Variants in PREX1 observed in about 807,000 individuals in gnomAD.
The protein encoded by PREX1 is phosphatidylinositol-3,4,5-trisphosphate dependent Rac exchange factor 1, also known as phosphatidylinositol 3,4,5-trisphosphate-dependent Rac exchanger 1 protein.
Under a neutral mutation model 198.3 loss-of-function variants are expected in PREX1, and 41 were observed. The ratio of observed to expected loss-of-function variants is 0.21; its 90% CI spans 0.16 to 0.27. The LOEUF is 0.27. PREX1 is among the 10% of genes least tolerant of loss of function. PREX1 has a pLI of 1.00. For missense variants in PREX1, 1,620 were observed against 2,200.7 expected, an observed-to-expected ratio of 0.74 and a Z score of 5.28; for synonymous variants, 843 against 887.2, an observed-to-expected ratio of 0.95 and a Z score of 0.89.
chr20:48,804,044 G>A (rs1354703694), intron 1 of PREX1, among the ~76,000 whole-genome samples: 2 of 152,204 alleles, frequency 1.3e-5, no homozygotes, highest in Non-Finnish European at 2.9e-5. Context: ...CCCTGGACTG[G>A]AGCCCTTGAG....
At chr20:48,658,040 G>T in intron 17 of PREX1, 96 bp downstream of exon 17, 1 of 1,214,116 alleles carries the variant, frequency 8.2e-7, no homozygotes, top group Non-Finnish European at 1.2e-6. Flanking sequence ...GATCATTCCA[G>T]AATCTCCTGG....
chr20:48,699,365 G>C (rs1020193080), intron 7 of PREX1, among the ~76,000 whole-genome samples: 3 of 152,142 alleles, frequency 2.0e-5, no homozygotes, highest in African/African-American at 7.2e-5. Context: ...AATTTGAAAA[G>C]TGCTGCAGGG....
At chr20:48,705,466 C>G (rs547708407) in intron 6 of PREX1, among the ~76,000 whole-genome samples, 39 of 152,350 alleles carry the variant, frequency 2.6e-4, no homozygotes, top group Non-Finnish European at 4.6e-4. Flanking sequence ...AGCCCCTTGT[C>G]AGACATCTTT....
chr20:48,762,398 G>T (rs2090185181), intron 1 of PREX1, among the ~76,000 whole-genome samples: 1 of 152,110 alleles, frequency 6.6e-6, no homozygotes, highest in Non-Finnish European at 1.5e-5. Context: ...ACACTCAGCA[G>T]CTTCCCTGCC....
chr20:48,729,637 G>A (rs1313395278), intron 4 of PREX1, among the ~76,000 whole-genome samples: 6 of 151,978 alleles, frequency 3.9e-5, no homozygotes, highest in East Asian at 3.9e-4. Flanking sequence ...GACTCCTCTC[G>A]TTCATTTATA....
At chr20:48,711,429 C>T (rs1036916193) in intron 5 of PREX1, among the ~76,000 whole-genome samples, 3 of 152,092 alleles carry the variant, frequency 2.0e-5, no homozygotes, top group Admixed American at 6.5e-5. Flanking sequence ...TGAGGCCAGC[C>T]GAGGCCAGGG....
At chr20:48,804,778 A>C (rs2090404233) in intron 1 of PREX1, among the ~76,000 whole-genome samples, 1 of 152,126 alleles carries the variant, frequency 6.6e-6, no homozygotes, top group African/African-American at 2.4e-5. Context: ...TGCTTGTCCA[A>C]GTTGGAGCTG....
the PREX1 span, among the ~76,000 whole-genome samples, chr20:48,837,100 AGAGAAGTAGTGGCCAGT>A: frequency 6.6e-6 from 1 of 152,146 alleles, no homozygotes; most frequent in Non-Finnish European, 1.5e-5. Flanking sequence ...AGAAAACCAA[AGAGAAGTAGTGGCCAGT>A]GAGATATCAT....
At chr20:48,657,330 G>C (rs760481314) in intron 17 of PREX1, 142 bp from the exon 18 acceptor site, 3 of 1,051,698 alleles carry the variant, frequency 2.9e-6, no homozygotes, top group Non-Finnish European at 4.1e-6. Context: ...GCTGTCTGTG[G>C]TAAGCAGTTG....
chr20:48,806,872 A>T (rs1174674084), intron 1 of PREX1, among the ~76,000 whole-genome samples: 1 of 152,182 alleles, frequency 6.6e-6, no homozygotes, highest in Non-Finnish European at 1.5e-5. Context: ...GCCAGTATGG[A>T]GGGCTGGGGC....
intron 6 of PREX1, among the ~76,000 whole-genome samples, chr20:48,707,560 C>A (rs1320384728): frequency 2.6e-5 from 4 of 152,236 alleles, no homozygotes; most frequent in Non-Finnish European, 2.9e-5. Flanking sequence ...ACGTAACAAT[C>A]TCTGCCCAAG....
the PREX1 span, among the ~76,000 whole-genome samples, chr20:48,865,315 C>T: frequency 2.6e-5 from 4 of 152,186 alleles, no homozygotes; most frequent in Non-Finnish European, 4.4e-5. Context: ...CAATGCTACG[C>T]TTGACAGAAA....
chr20:48,648,198 T>C (rs1451777228), intron 25 of PREX1, among the ~76,000 whole-genome samples: 5 of 152,216 alleles, frequency 3.3e-5, no homozygotes, highest in African/African-American at 9.6e-5. Flanking sequence ...TGAGCCACTG[T>C]ACCCAGCCCA....
the PREX1 span, among the ~76,000 whole-genome samples, chr20:48,835,751 G>T: frequency 6.6e-6 from 1 of 152,220 alleles, no homozygotes; most frequent in African/African-American, 2.4e-5. Context: ...TTCTTTGGAT[G>T]AACTGGGAGC....
At chr20:48,773,266 C>CAAAAAAAAAAAA (rs55740822) in intron 1 of PREX1, among the ~76,000 whole-genome samples, 1 of 65,910 alleles carries the variant, frequency 1.5e-5, no homozygotes. Flanking sequence ...GACTTGGTCT[C>CAAAAAAAAAAAA]AAAAAAAAAA....
At chr20:48,757,991 G>A (rs866428269) in intron 1 of PREX1, among the ~76,000 whole-genome samples, 4 of 152,170 alleles carry the variant, frequency 2.6e-5, no homozygotes, top group South Asian at 2.1e-4. Context: ...GCATCTTAGC[G>A]GGTGTACCAT....
Position 48,643,594 on chromosome 20 carries a change from C to T in PREX1, c.3601+815G>A, listed in dbSNP as rs140775178. Among the ~76,000 whole-genome samples, 147 of 152,346 alleles carry T rather than the reference C, an allele frequency of 9.6e-4. 1 individual carries two copies. Among genetic ancestry groups the T allele is most frequent in the African/African-American group, 3.4e-3 (141 of 41,582 alleles). ...TGCATTCACAGGCCCCACCAATGAGCTCCAAATGCTGGCGAGGGTCATTTC... is the reference window on the plus strand; with the variant it reads ...TGCATTCACAGGCCCCACCAATGAGTTCCAAATGCTGGCGAGGGTCATTTC... On this transcript the variant is annotated intron_variant, in intron 27 of 39. Transcript: ENST00000371941.
intron 10 of PREX1, among the ~76,000 whole-genome samples, chr20:48,688,233 T>C (rs1282183700): frequency 6.6e-6 from 1 of 151,932 alleles, no homozygotes; most frequent in African/African-American, 2.4e-5. Context: ...TACAGCAGCA[T>C]TTTTCAAACC....
Position 48,642,425 on chromosome 20 carries a change from C to T in PREX1, c.3666G>A (p.Leu1222=), listed in dbSNP as rs1302303044. The change falls in exon 28 of 40, where the codon CTG becomes CTA. Residue 1222 remains leucine, a synonymous_variant. Transcript: ENST00000371941. ...SDKQDKLHGC[L]EHLFNQVDSI... ...GTCCTACCTGGTTAAAGAGGTGCTC[C>T]AGGCAGCCATGAAGCTTGTCCTGCT... 6.2e-7 allele frequency: 1 copy of T among 1,613,308 alleles called. No homozygotes were observed. Among genetic ancestry groups the T allele is most frequent in the Non-Finnish European group, 8.5e-7 (1 of 1,179,412 alleles).
Sources: allele counts gnomAD v4.1 joint callset (sites outside exome capture counted in the v4.1 genomes callset), GRCh38; gene constraint gnomAD v4.1.1; transcripts MANE v1.5; gene names NCBI Gene and HGNC (gene_info 2026-07-23, HGNC 2026-07-21).